BRF2: variants seen among roughly 807,000 people sequenced by gnomAD.
BRF2 encodes BRF2 general transcription factor IIIB subunit.
A neutral mutation model predicts 26.6 loss-of-function variants in BRF2; 17 were observed. The ratio of observed to expected loss-of-function variants is 0.64; its 90% CI spans 0.44 to 0.96. The LOEUF (loss-of-function observed/expected upper bound fraction) is 0.96. BRF2 is among the 40% of genes least tolerant of loss of function. The pLI, the probability that BRF2 is intolerant of heterozygous loss-of-function variation, is 0.00. For missense variants in BRF2, 515 were observed against 537.0 expected (o/e 0.96, Z 0.40); for synonymous variants, 219 against 226.6 (o/e 0.97, Z 0.30).
chr8:37,848,147 T>G (rs1380415591), intron 2 of BRF2, among the ~76,000 whole-genome samples: 2 of 151,436 alleles, frequency 1.3e-5, no homozygotes, highest in Admixed American at 6.6e-5. Context: ...AGATGGGGTT[T>G]CATCGTGTTA....
rs1465383988 is a variant in BRF2, at chr8:37,849,706, C to T, written c.78G>A (p.Leu26=). The T allele has an allele frequency of 6.2e-7, 1 of 1,613,602 alleles. No homozygotes were observed. Among genetic ancestry groups the T allele is most frequent in the African/African-American group, 1.3e-5 (1 of 74,928 alleles). ...VEDSHYSQSQ[L]VCSDCGCVVT... is the part of the protein sequence containing the mutation. ...CCACGCAGCCGCAGTCGGAGCACACCAGCTGGCTCTGCGAATAGTGCGAGT... is the reference window on the plus strand; with the variant it reads ...CCACGCAGCCGCAGTCGGAGCACACTAGCTGGCTCTGCGAATAGTGCGAGT... The change falls in exon 1 of 4, where the codon CTG becomes CTA. Residue 26 remains leucine, a synonymous_variant. Coordinates refer to ENST00000220659, the MANE Select transcript of BRF2 (RefSeq NM_018310.4).
chr8:37,845,348 A>G, intron 3 of BRF2, 135 bp from the exon 4 acceptor site: 2 of 726,210 alleles, frequency 2.8e-6, no homozygotes, highest in Non-Finnish European at 4.7e-6. Context: ...CAGCAAGTTA[A>G]TAAAGGTAGT....
In BRF2 at chr8:37,844,881, T is replaced by C. The variant is rs1805923965; in HGVS notation, c.869A>G (p.Lys290Arg). The change falls in exon 4 of 4, where the codon AAA (lysine) becomes AGA (arginine). Residue 290 changes from lysine to arginine, a missense_variant. Lys to Arg is a conservative substitution (Grantham distance 26). Coordinates refer to ENST00000220659, the MANE Select transcript of BRF2 (RefSeq NM_018310.4). Reference sequence around the variant, plus strand: ...ACCGATGTGCTTCACCACAGACCGTTTGTCAAGTCTCAGAACTCGTAACCA... The same window carrying C: ...ACCGATGTGCTTCACCACAGACCGTCTGTCAAGTCTCAGAACTCGTAACCA... ...LAWLRVLRLD[K>R]RSVVKHIGDL... 4 of 1,614,104 alleles carry C rather than the reference T, an allele frequency of 2.5e-6. No individual in the cohort carries two copies. Among genetic ancestry groups the C allele is most frequent in the Non-Finnish European group, 2.5e-6 (3 of 1,180,020 alleles).
At position 37,849,840 on chromosome 8, in the gene BRF2, C is replaced by G; in HGVS notation, c.-57G>C. ...TCAGAGACTCCTGGGTCTGCAACAG[C>G]AACCGTGAGGCAGCAAGAAGTAGGA... On this transcript the variant is annotated 5_prime_UTR_variant, in exon 1 of 4. Coordinates refer to ENST00000220659, the MANE Select transcript of BRF2 (RefSeq NM_018310.4). 6.6e-7 allele frequency: 1 copy of G among 1,515,338 alleles called. No individual in the cohort carries two copies. The highest frequency in any genetic ancestry group is 8.9e-7 in the Non-Finnish European group (1 of 1,128,360). The allele number at this position is 1,515,338 out of a possible 1,614,324, so 93.9% of individuals were successfully genotyped here.
rs775861500 is a variant in BRF2 at position 37,848,641 on chromosome 8, G to A, written c.169C>T (p.Arg57Ter). Residue 57 changes from arginine to a stop codon, truncating the protein, a stop_gained, in exon 2 of 4, where the codon CGA becomes TGA. Coordinates refer to ENST00000220659, the MANE Select transcript of BRF2 (RefSeq NM_018310.4). LOFTEE classifies it high-confidence loss of function. ...ACTTGTTCGTTTTCCCCTGTGCTTC[G>A]GGAATATGTTACCTCTGTAAGATAA... Reference protein sequence around the residue: ...EGNLREVTYSRSTGENEQVSR... With the variant: ...EGNLREVTYS 6 of 1,613,904 alleles carry A rather than the reference G, an allele frequency of 3.7e-6. No individual in the cohort carries two copies. Among genetic ancestry groups the A allele is most frequent in the East Asian group, 2.2e-5 (1 of 44,880 alleles).
rs1805916119 is a variant in BRF2, at chr8:37,844,635, A to C, written c.1115T>G (p.Val372Gly). 1 of 1,614,026 alleles carries C rather than the reference A, an allele frequency of 6.2e-7. No individual in the cohort carries two copies. Among genetic ancestry groups the C allele is most frequent in the African/African-American group, 1.3e-5 (1 of 74,916 alleles). Residue 372 changes from valine to glycine, a missense_variant, in exon 4 of 4, where the codon GTA (valine) becomes GGA (glycine). Val to Gly is a moderately radical substitution (Grantham distance 109). Transcript: ENST00000220659. The part of the protein sequence containing the change: ...MLKSPKRICP[V>G]PPVSTVTGDE... ...TCCAGTGACAGTGGAGACAGGGGGTACAGGGCAGATCCGCTTCGGGGACTT... is the reference window on the plus strand; with the variant it reads ...TCCAGTGACAGTGGAGACAGGGGGTCCAGGGCAGATCCGCTTCGGGGACTT...
chr8:37,844,307 T>C lies in BRF2; in HGVS notation c.*183A>G, dbSNP rs928971260. 2 of 682,476 alleles carry C rather than the reference T, an allele frequency of 2.9e-6. No individual in the cohort carries two copies. Among genetic ancestry groups the C allele is most frequent in the African/African-American group, 3.6e-5 (2 of 55,160 alleles). The allele number at this position is 682,476 out of a possible 1,614,324, so 42.3% of individuals were successfully genotyped here. Reference sequence around the variant, plus strand: ...AAGGGATGGGAATCTCTCCTACCTATAGTCATCCCTGCACTCCTGACTTTA... The same window carrying C: ...AAGGGATGGGAATCTCTCCTACCTACAGTCATCCCTGCACTCCTGACTTTA... On this transcript the variant is annotated 3_prime_UTR_variant, in exon 4 of 4. Coordinates refer to ENST00000220659, the MANE Select transcript of BRF2 (RefSeq NM_018310.4).
rs1805880718 is a variant in BRF2, at chr8:37,843,570, G to A, written c.*920C>T. 6.6e-6 allele frequency: 1 copy of A among 152,152 alleles called. No individual in the cohort carries two copies. Among genetic ancestry groups the A allele is most frequent in the South Asian group, 2.1e-4 (1 of 4,820 alleles). The allele number at this position is 152,152 out of a possible 1,614,324, so 9.4% of individuals were successfully genotyped here. ...CAAATGGAAACCGAGGGAACCCTGG[G>A]TCTTGGGAAGAACAACAGGAAACCA... On this transcript the variant is annotated 3_prime_UTR_variant, in exon 4 of 4. Transcript: ENST00000220659.
chr8:37,845,334 T>G (rs1805936346), intron 3 of BRF2, 121 bp from the exon 4 acceptor site: 4 of 774,880 alleles, frequency 5.2e-6, no homozygotes. Flanking sequence ...TCAAGCTCAC[T>G]GGGCAGCAAG....
rs908791103 is a variant in BRF2, at chr8:37,847,768, G to A, written c.215-593C>T. On this transcript the variant is annotated intron_variant, in intron 2 of 3. Transcript: ENST00000220659. Reference sequence around the variant, plus strand: ...TGGTCTTGAACTCCTGACCTCAAGCGATCTGCCCGTCTCGGCCTCCCAAAG... The same window carrying A: ...TGGTCTTGAACTCCTGACCTCAAGCAATCTGCCCGTCTCGGCCTCCCAAAG... 2.0e-4 allele frequency among the ~76,000 whole-genome samples: 30 copies of A among 151,808 alleles called. 2 individuals are homozygous for A. The highest frequency in any genetic ancestry group is 1.9e-3 in the Admixed American group (29 of 15,232).
Position 37,847,509 on chromosome 8 carries a change from G to A in BRF2, c.215-334C>T, listed in dbSNP as rs183576347. On this transcript the variant is annotated intron_variant, in intron 2 of 3. Transcript: ENST00000220659. ...TTATACTGAATTGCTGCCTCTCTCAGAACCATCCCTATTTGTTTTATTTAT... is the reference window on the plus strand; with the variant it reads ...TTATACTGAATTGCTGCCTCTCTCAAAACCATCCCTATTTGTTTTATTTAT... Among the ~76,000 whole-genome samples the A allele has an allele frequency of 1.8e-3, 267 of 152,224 alleles. 1 individual carries two copies. The highest frequency in any genetic ancestry group is 3.2e-3 in the Non-Finnish European group (216 of 68,012).
intron 2 of BRF2, among the ~76,000 whole-genome samples, chr8:37,847,688 C>T (rs1221287001): frequency 2.6e-5 from 4 of 151,900 alleles, no homozygotes; most frequent in African/African-American, 9.7e-5. Flanking sequence ...CACCACCAGG[C>T]CCAGCTAATT....
At position 37,844,393 on chromosome 8, in the gene BRF2, G is replaced by C; in HGVS notation, c.*97C>G. 6.7e-7 allele frequency: 1 copy of C among 1,495,932 alleles called. No individual in the cohort carries two copies. Among genetic ancestry groups the C allele is most frequent in the Non-Finnish European group, 9.0e-7 (1 of 1,105,600 alleles). 92.7% of individuals were successfully genotyped at this position (1,495,932 alleles called of 1,614,324 possible). On this transcript the variant is annotated 3_prime_UTR_variant, in exon 4 of 4. Coordinates refer to ENST00000220659, the MANE Select transcript of BRF2 (RefSeq NM_018310.4). ...CTCTTGGTTCCTTCAAACAAGAAAA[G>C]CAATACCTACGGACTGGTGTACACT...
At position 37,844,398 on chromosome 8, in the gene BRF2, A is replaced by C. The variant is rs1373779769; in HGVS notation, c.*92T>G. 3.3e-6 allele frequency: 5 copies of C among 1,505,408 alleles called. No individual in the cohort carries two copies. In the East Asian group the frequency reaches 1.1e-4, roughly 34 times the overall value. The allele number at this position is 1,505,408 out of a possible 1,614,324, so 93.3% of individuals were successfully genotyped here. A position where few individuals can be genotyped will look rare whatever the true frequency, so the allele number is the denominator to read the frequency against. ...GGTTCCTTCAAACAAGAAAAGCAAT[A>C]CCTACGGACTGGTGTACACTTCCAT... On this transcript the variant is annotated 3_prime_UTR_variant, in exon 4 of 4. Coordinates refer to ENST00000220659, the MANE Select transcript of BRF2 (RefSeq NM_018310.4).
At chr8:37,847,593 C>T (rs1490240001) in intron 2 of BRF2, among the ~76,000 whole-genome samples, 1 of 152,138 alleles carries the variant, frequency 6.6e-6, no homozygotes, top group East Asian at 1.9e-4. Context: ...GCAGTGGCGC[C>T]ATCTTGGCTC....
In BRF2 at chr8:37,844,501, T is replaced by G. The variant is rs967071785; in HGVS notation, c.1249A>C (p.Asn417His). ...AARQAATSVP[N>H]PP Reference sequence around the variant, plus strand: ...CCAGTGGATATCCATCAGGGAGGGTTAGGGACACTCGTGGCAGCCTGTCTA... The same window carrying G: ...CCAGTGGATATCCATCAGGGAGGGTGAGGGACACTCGTGGCAGCCTGTCTA... The change falls in exon 4 of 4, where the codon AAC (asparagine) becomes CAC (histidine). Residue 417 changes from asparagine to histidine, a missense_variant. Asn to His is a moderately conservative substitution (Grantham distance 68). Transcript: ENST00000220659. The G allele has an allele frequency of 1.2e-6, 2 of 1,612,954 alleles. No individual in the cohort carries two copies. The highest frequency in any genetic ancestry group is 1.7e-6 in the Non-Finnish European group (2 of 1,179,940).
In BRF2 at chr8:37,849,552, A is replaced by G. The variant is rs891941672; in HGVS notation, c.154+78T>C. 2.5e-6 allele frequency: 3 copies of G among 1,184,082 alleles called. No homozygotes were observed. The South Asian group carries it at 4.0e-5, about 16-fold the overall frequency. 73.3% of individuals were successfully genotyped at this position (1,184,082 alleles called of 1,614,324 possible). A position where few individuals can be genotyped will look rare whatever the true frequency, so the allele number is the denominator to read the frequency against. On this transcript the variant is annotated intron_variant, in intron 1 of 3. Transcript: ENST00000220659. ...AAGTGTGTGCGTTACAGTTAGGAGT[A>G]TGGGGGGAGCGGGGAGGCAAAAGGA...
At chr8:37,849,563 G>T in intron 1 of BRF2, 67 bp downstream of exon 1, 1 of 1,291,942 alleles carries the variant, frequency 7.7e-7, no homozygotes, top group Non-Finnish European at 1.1e-6. Context: ...TGGGGGGAGC[G>T]GGGAGGCAAA....
chr8:37,848,709 T>C (rs1422205815), intron 1 of BRF2, 54 bp from the exon 2 acceptor site: 3 of 1,420,328 alleles, frequency 2.1e-6, no homozygotes, highest in Non-Finnish European at 3.0e-6. Context: ...ATCAGACCCC[T>C]GCCCTCCCAC....
Sources: allele counts gnomAD v4.1 joint callset (sites outside exome capture counted in the v4.1 genomes callset), GRCh38; gene constraint gnomAD v4.1.1; transcripts MANE v1.5; gene names NCBI Gene and HGNC (gene_info 2026-07-23, HGNC 2026-07-21).